The following ARHGAP24 variants were observed in gnomAD, a reference collection of about 807,000 sequenced individuals.
The protein encoded by ARHGAP24 is rho GTPase-activating protein 24.
ARHGAP24 carries 50 observed loss-of-function variants against 76.4 expected under a neutral mutation model. The ratio of observed to expected loss-of-function variants is 0.65; its 90% CI spans 0.52 to 0.83. ARHGAP24 has a LOEUF of 0.83. Among genes scored for constraint, ARHGAP24 ranks in the 40% least tolerant of loss-of-function variants. ARHGAP24 has a pLI of 0.00. For synonymous variants in ARHGAP24, 345 were observed against 323.3 expected (o/e 1.07, Z -0.72); for missense variants, 930 against 914.2 (o/e 1.02, Z -0.22).
intron 1 of ARHGAP24, among the ~76,000 whole-genome samples, chr4:85,553,217 C>T (rs1726215843): frequency 6.6e-6 from 1 of 152,012 alleles, no homozygotes; most frequent in Non-Finnish European, 1.5e-5. Flanking sequence ...GTAGTGTGGA[C>T]CCAAACAGTG....
At chr4:85,520,363 AAACTGAGGTATATTGTCT>A (rs767029829) in intron 1 of ARHGAP24, among the ~76,000 whole-genome samples, 1 of 152,104 alleles carries the variant, frequency 6.6e-6, no homozygotes, top group Non-Finnish European at 1.5e-5. Context: ...GAAAATGCCA[AAACTGAGGTATATTGTCT>A]AACTCTTCCG....
At chr4:85,910,007 C>G (rs911723229) in intron 3 of ARHGAP24, among the ~76,000 whole-genome samples, 2 of 152,132 alleles carry the variant, frequency 1.3e-5, no homozygotes, top group Non-Finnish European at 2.9e-5. Flanking sequence ...GAGAGTCAGG[C>G]ATGGAGTGTG....
At chr4:85,731,021 CACACACAGAG>C (rs1484708058) in intron 3 of ARHGAP24, among the ~76,000 whole-genome samples, 28 of 141,506 alleles carry the variant, frequency 2.0e-4, no homozygotes, top group African/African-American at 6.0e-4. Context: ...CACACACACA[CACACACAGAG>C]AGAGAGACTG....
rs555211105 is a variant in ARHGAP24 at position 85,663,260 on chromosome 4, A to C, written c.181-58625A>C. Among the ~76,000 whole-genome samples, 16 of 145,504 alleles carry C rather than the reference A, an allele frequency of 1.1e-4. No individual in the cohort carries two copies. The East Asian group carries it at 2.9e-3, about 26-fold the overall frequency. On this transcript the variant is annotated intron_variant, in intron 2 of 9. Transcript: ENST00000395184. The stretch of plus-strand genomic sequence containing the variant: ...TCCCTTGTAAGTTGGACTCCTAGGT[A>C]TTTTATTCTCTTTGAAGCAATTGTG...
intron 1 of ARHGAP24, among the ~76,000 whole-genome samples, chr4:85,549,446 G>T (rs1056421433): frequency 1.4e-4 from 22 of 151,752 alleles, no homozygotes; most frequent in African/African-American, 5.3e-4. Context: ...GGGTATTTCT[G>T]TTTGTTCCTC....
intron 3 of ARHGAP24, among the ~76,000 whole-genome samples, chr4:85,810,130 C>T (rs979483471): frequency 6.6e-6 from 1 of 152,194 alleles, no homozygotes; most frequent in Non-Finnish European, 1.5e-5. Context: ...AGATGTTACA[C>T]AAGCTTTCTT....
chr4:85,681,506 T>G (rs1246428421), intron 2 of ARHGAP24, among the ~76,000 whole-genome samples: 2 of 152,206 alleles, frequency 1.3e-5, no homozygotes, highest in Admixed American at 6.5e-5. Flanking sequence ...TTTAGCACAG[T>G]GGAGCCAGTG....
At chr4:85,975,955 T>C (rs1398546094) in intron 7 of ARHGAP24, among the ~76,000 whole-genome samples, 1 of 152,224 alleles carries the variant, frequency 6.6e-6, no homozygotes, top group African/African-American at 2.4e-5. Flanking sequence ...AAACAGTACC[T>C]TGGGTTCCAG....
intron 2 of ARHGAP24, among the ~76,000 whole-genome samples, chr4:85,628,173 C>T (rs796679984): frequency 5.3e-5 from 8 of 152,320 alleles, no homozygotes; most frequent in African/African-American, 1.9e-4. Context: ...GTCGCTCACA[C>T]TGGGAGCTAT....
intron 2 of ARHGAP24, among the ~76,000 whole-genome samples, chr4:85,714,897 A>G (rs952609043): frequency 4.6e-5 from 7 of 152,160 alleles, no homozygotes; most frequent in Non-Finnish European, 1.0e-4. Context: ...TAGAAAGAGG[A>G]ACATAAATTG....
intron 1 of ARHGAP24, among the ~76,000 whole-genome samples, chr4:85,547,935 T>G (rs1158529998): frequency 6.6e-6 from 1 of 152,250 alleles, no homozygotes; most frequent in Non-Finnish European, 1.5e-5. Context: ...ATTGAATAAT[T>G]GACATTCTGC....
At chr4:85,721,833 T>TA (rs2110043377) in intron 2 of ARHGAP24, 52 bp from the exon 3 acceptor site, 1 of 1,444,504 alleles carries the variant, frequency 6.9e-7, no homozygotes, top group East Asian at 2.3e-5. Context: ...AATGATGATA[T>TA]ATGATGTTTG....
intron 2 of ARHGAP24, among the ~76,000 whole-genome samples, chr4:85,708,366 T>C (rs894607913): frequency 6.6e-6 from 1 of 152,196 alleles, no homozygotes; most frequent in Non-Finnish European, 1.5e-5. Context: ...AGCAGTATGC[T>C]ATGCACTTCA....
At chr4:85,663,851 G>T (rs1245923882) in intron 2 of ARHGAP24, among the ~76,000 whole-genome samples, 1 of 151,246 alleles carries the variant, frequency 6.6e-6, no homozygotes, top group Non-Finnish European at 1.5e-5. Flanking sequence ...AACCAGCCTT[G>T]CATCCCAGGG....
At chr4:85,591,631 A>G (rs986756491) in intron 2 of ARHGAP24, among the ~76,000 whole-genome samples, 9 of 152,216 alleles carry the variant, frequency 5.9e-5, no homozygotes. Context: ...TTCACAAGTC[A>G]TTAGTTAAAG....
In ARHGAP24 at chr4:85,876,429, G is replaced by A. The variant is rs72970075; in HGVS notation, c.269-47219G>A. 5.6e-3 allele frequency among the ~76,000 whole-genome samples: 849 copies of A among 152,176 alleles called. 12 individuals are homozygous for A. The highest frequency in any genetic ancestry group is 0.019 in the African/African-American group (792 of 41,518). Reference sequence around the variant, plus strand: ...AAATTGAATGCTATAACCCGTTACCGAGCCAGCTGCCCATAAACTGCAATA... The same window carrying A: ...AAATTGAATGCTATAACCCGTTACCAAGCCAGCTGCCCATAAACTGCAATA... On this transcript the variant is annotated intron_variant, in intron 3 of 9. Transcript: ENST00000395184.
At chr4:85,916,690 G>T (rs9307013) in intron 3 of ARHGAP24, among the ~76,000 whole-genome samples, 46,519 of 151,890 alleles carry the variant, frequency 0.31, 7,365 homozygotes, top group South Asian at 0.5. Flanking sequence ...AATTCACCCT[G>T]GAAGTTATTA....
At chr4:85,634,093 A>G (rs1721239995) in intron 2 of ARHGAP24, among the ~76,000 whole-genome samples, 1 of 151,870 alleles carries the variant, frequency 6.6e-6, no homozygotes, top group South Asian at 2.1e-4. Context: ...GTCTCATTCA[A>G]CTGAAGGATA....
At chr4:85,616,572 TTTTA>T (rs1030236038) in intron 2 of ARHGAP24, among the ~76,000 whole-genome samples, 3 of 152,104 alleles carry the variant, frequency 2.0e-5, no homozygotes, top group Admixed American at 2.0e-4. Flanking sequence ...GTGTGTATAT[TTTTA>T]TTTCTTATTC....
Sources: allele counts gnomAD v4.1 joint callset (sites outside exome capture counted in the v4.1 genomes callset), GRCh38; gene constraint gnomAD v4.1.1; transcripts MANE v1.5; gene names NCBI Gene and HGNC (gene_info 2026-07-23, HGNC 2026-07-21).